Variants in PARD3 observed in about 807,000 individuals in gnomAD.
PARD3 encodes the protein par-3 family cell polarity regulator.
PARD3 carries 75 observed loss-of-function variants against 155.4 expected under a neutral mutation model. The ratio of observed to expected loss-of-function variants is 0.48; its 90% CI spans 0.40 to 0.58. The LOEUF (loss-of-function observed/expected upper bound fraction) is 0.58. Ranked by LOEUF, PARD3 falls within the 20% of genes least tolerant of loss-of-function variation. PARD3 has a pLI of 0.00. For missense variants in PARD3, 1,642 were observed against 1,721.7 expected, an observed-to-expected ratio of 0.95 and a Z score of 0.82; for synonymous variants, 576 against 610.5, an observed-to-expected ratio of 0.94 and a Z score of 0.83.
intron 1 of PARD3, among the ~76,000 whole-genome samples, chr10:34,722,575 AT>A (rs1397447731): frequency 6.6e-6 from 1 of 152,030 alleles, no homozygotes; most frequent in Non-Finnish European, 1.5e-5. Context: ...CTCCCTGGGG[AT>A]GTTCCGTCTC....
At chr10:34,368,839 T>TA (rs71033310) in intron 12 of PARD3, among the ~76,000 whole-genome samples, 20,243 of 108,522 alleles carry the variant, frequency 0.19, 2,660 homozygotes, top group African/African-American at 0.37. Context: ...ATGAGCAATG[T>TA]AAAAAAAAAA....
chr10:34,660,969 C>T (rs2093310575), intron 2 of PARD3, among the ~76,000 whole-genome samples: 1 of 152,024 alleles, frequency 6.6e-6, no homozygotes, highest in African/African-American at 2.4e-5. Context: ...AATCTACTGA[C>T]ATAATGAAAT....
chr10:34,189,567 G>A (rs1038251481), intron 22 of PARD3, among the ~76,000 whole-genome samples: 12 of 152,172 alleles, frequency 7.9e-5, no homozygotes, highest in Non-Finnish European at 1.2e-4. Flanking sequence ...GGATGAGGCA[G>A]TAAGTATTAA....
intron 2 of PARD3, among the ~76,000 whole-genome samples, chr10:34,675,386 G>A (rs1335263290): frequency 6.6e-6 from 1 of 152,180 alleles, no homozygotes; most frequent in Non-Finnish European, 1.5e-5. Flanking sequence ...CAAAGAAGAT[G>A]ATTGAAGTCC....
chr10:34,671,942 A>C (rs1386805054), intron 2 of PARD3, among the ~76,000 whole-genome samples: 1 of 152,260 alleles, frequency 6.6e-6, no homozygotes, highest in East Asian at 1.9e-4. Context: ...TTGGAGGCCA[A>C]GGTGTGAGGA....
chr10:34,405,258 A>G (rs1314772916), intron 5 of PARD3, among the ~76,000 whole-genome samples: 4 of 152,186 alleles, frequency 2.6e-5, no homozygotes, highest in African/African-American at 9.7e-5. Flanking sequence ...AATAGATAAC[A>G]CATAATACAG....
chr10:34,474,731 T>C (rs937787699), intron 3 of PARD3, among the ~76,000 whole-genome samples: 1 of 152,188 alleles, frequency 6.6e-6, no homozygotes. Flanking sequence ...AAATCACAAA[T>C]TATGAAATCA....
chr10:34,395,122 T>C (rs1170405652), intron 7 of PARD3, among the ~76,000 whole-genome samples: 1 of 152,054 alleles, frequency 6.6e-6, no homozygotes, highest in Non-Finnish European at 1.5e-5. Context: ...GCAAACTCTA[T>C]CTCCTGGGTT....
chr10:34,135,135 A>C (rs919669013), intron 22 of PARD3, among the ~76,000 whole-genome samples: 4 of 152,284 alleles, frequency 2.6e-5, no homozygotes, highest in South Asian at 2.1e-4. Flanking sequence ...GAAGAGTCAG[A>C]AATCCTAATT....
intron 3 of PARD3, among the ~76,000 whole-genome samples, chr10:34,500,568 C>A (rs1358133786): frequency 6.6e-6 from 1 of 152,066 alleles, no homozygotes; most frequent in East Asian, 1.9e-4. Context: ...ATGGTGAAAC[C>A]TCATCTCTAC....
At chr10:34,728,362 T>A (rs2094756387) in intron 1 of PARD3, among the ~76,000 whole-genome samples, 1 of 152,126 alleles carries the variant, frequency 6.6e-6, no homozygotes, top group African/African-American at 2.4e-5. Context: ...TTTCTGAACG[T>A]TTTTGTAATT....
intron 2 of PARD3, among the ~76,000 whole-genome samples, chr10:34,519,118 TGAAAGTAAA>T (rs1283965790): frequency 6.6e-6 from 1 of 152,010 alleles, no homozygotes; most frequent in African/African-American, 2.4e-5. Flanking sequence ...TCAAGGGTCA[TGAAAGTAAA>T]AGAAAGAACA....
At chr10:34,640,276 T>G (rs995938324) in intron 2 of PARD3, among the ~76,000 whole-genome samples, 5 of 152,172 alleles carry the variant, frequency 3.3e-5, no homozygotes, top group African/African-American at 4.8e-5. Context: ...CTTTAAAAGA[T>G]TCTAATACTC....
chr10:34,388,873 T>G (rs936208417), intron 7 of PARD3, among the ~76,000 whole-genome samples: 3 of 152,144 alleles, frequency 2.0e-5, no homozygotes, highest in Admixed American at 2.0e-4. Flanking sequence ...AACCCCAGAT[T>G]TGTTATGCTA....
intron 2 of PARD3, among the ~76,000 whole-genome samples, chr10:34,576,710 C>A (rs927343589): frequency 6.6e-6 from 1 of 152,084 alleles, no homozygotes; most frequent in African/African-American, 2.4e-5. Context: ...GAAACAGTCT[C>A]CAACCCAAAG....
At chr10:34,208,796 A>G (rs570620818) in intron 22 of PARD3, among the ~76,000 whole-genome samples, 2 of 152,292 alleles carry the variant, frequency 1.3e-5, no homozygotes, top group Admixed American at 1.3e-4. Flanking sequence ...GTGTGGGGCA[A>G]GCATTCTGAG....
chr10:34,696,237 A>C, intron 2 of PARD3, 81 bp downstream of exon 2: 1 of 757,226 alleles, frequency 1.3e-6, no homozygotes, highest in Non-Finnish European at 2.3e-6. Context: ...CTAAAACAGA[A>C]AGGAAAAGAA....
rs1234017943 is a variant in PARD3, at chr10:34,261,847, C to CAAACAAACAA, written c.3419+7809_3419+7810insTTGTTTGTTT. 1.7e-3 allele frequency among the ~76,000 whole-genome samples: 218 copies of CAAACAAACAA among 131,236 alleles called. 1 individual carries two copies. Among genetic ancestry groups the CAAACAAACAA allele is most frequent in the African/African-American group, 1.8e-3 (55 of 31,186 alleles). The allele number at this position is 131,236 out of a possible 152,430, so 86.1% of individuals were successfully genotyped here. On this transcript the variant is annotated intron_variant, in intron 22 of 24. Transcript: ENST00000374788. ...AAAGAAACAAACAAACAAACAAACA[C>CAAACAAACAA]ACACACACTGGACAGAATGCAGTTT...
At chr10:34,638,945 A>G (rs772978214) in intron 2 of PARD3, among the ~76,000 whole-genome samples, 6 of 152,262 alleles carry the variant, frequency 3.9e-5, no homozygotes, top group Non-Finnish European at 8.8e-5. Context: ...TAGAAGAGAA[A>G]TATGAAATAC....
Sources: allele counts gnomAD v4.1 joint callset (sites outside exome capture counted in the v4.1 genomes callset), GRCh38; gene constraint gnomAD v4.1.1; transcripts MANE v1.5; gene names NCBI Gene and HGNC (gene_info 2026-07-23, HGNC 2026-07-21).